Variants in ADGRL2 observed in about 807,000 individuals in gnomAD.
ADGRL2 encodes adhesion G protein-coupled receptor L2, also known as calcium-independent alpha-latrotoxin receptor 2.
A neutral mutation model predicts 157.4 loss-of-function variants in ADGRL2; 44 were observed. That is an observed-to-expected ratio of 0.28 (90% CI 0.22 to 0.36). The LOEUF (loss-of-function observed/expected upper bound fraction) is 0.36. Ranked by LOEUF, ADGRL2 falls within the 10% of genes least tolerant of loss-of-function variation. ADGRL2 has a pLI of 1.00. For missense variants in ADGRL2, 1,510 were observed against 1,768.9 expected, an observed-to-expected ratio of 0.85 and a Z score of 2.63; for synonymous variants, 585 against 624.7, an observed-to-expected ratio of 0.94 and a Z score of 0.95.
intron 3 of ADGRL2, among the ~76,000 whole-genome samples, chr1:81,625,879 C>CT (rs2081899207): frequency 6.6e-6 from 1 of 152,138 alleles, no homozygotes. Context: ...TAATGGTATA[C>CT]TTGGCACAAG....
At chr1:81,439,675 C>T (rs552913546) in intron 1 of ADGRL2, among the ~76,000 whole-genome samples, 71 of 152,344 alleles carry the variant, frequency 4.7e-4, no homozygotes, top group Non-Finnish European at 6.6e-4. Context: ...CCCACAACTC[C>T]GAAGCCCCAG....
At chr1:81,710,302 C>T (rs1263263643) in intron 1 of ADGRL2, among the ~76,000 whole-genome samples, 4 of 151,984 alleles carry the variant, frequency 2.6e-5, no homozygotes, top group Non-Finnish European at 4.4e-5. Context: ...GCTAATAACC[C>T]ATTTCTACTC....
intron 6 of ADGRL2, among the ~76,000 whole-genome samples, chr1:81,946,462 T>C (rs1424146017): frequency 6.6e-6 from 1 of 151,828 alleles, no homozygotes; most frequent in African/African-American, 2.4e-5. Context: ...GGAATGGCCT[T>C]AGGAAAAACA....
rs79410355 is a variant in ADGRL2 at position 81,406,422 on chromosome 1, T to C, written c.-301-38614T>C. Among the ~76,000 whole-genome samples, 400 of 152,262 alleles carry C rather than the reference T, an allele frequency of 2.6e-3. 1 individual carries two copies. The highest frequency in any genetic ancestry group is 9.0e-3 in the African/African-American group (375 of 41,546). On this transcript the variant is annotated intron_variant, in intron 1 of 24. Transcript: ENST00000370721. Reference sequence around the variant, plus strand: ...CAATTTTGCTAAAACATCTGAAATATACTCTTCCTAAATAGTAACATCTGG... The same window carrying C: ...CAATTTTGCTAAAACATCTGAAATACACTCTTCCTAAATAGTAACATCTGG...
At chr1:81,621,631 T>G (rs1368634934) in intron 3 of ADGRL2, among the ~76,000 whole-genome samples, 4 of 152,182 alleles carry the variant, frequency 2.6e-5, no homozygotes, top group African/African-American at 9.6e-5. Flanking sequence ...TCTTTCTTCT[T>G]TAGTTGAGTC....
intron 1 of ADGRL2, among the ~76,000 whole-genome samples, chr1:81,828,237 A>G (rs2091663890): frequency 6.6e-6 from 1 of 151,968 alleles, no homozygotes; most frequent in East Asian, 1.9e-4. Flanking sequence ...CTTAAAGCCT[A>G]AAATATTTTC....
chr1:81,535,368 C>T lies in ADGRL2; in HGVS notation c.-247-45508C>T, dbSNP rs554629437. On this transcript the variant is annotated intron_variant, in intron 2 of 24. Transcript: ENST00000370721. ...AAATGCCTCTACCTTTGGATTGTTG[C>T]GCTGTGGTGATTATGACCCTTATCT... Among the ~76,000 whole-genome samples the T allele has an allele frequency of 9.9e-5, 15 of 151,984 alleles. No individual in the cohort carries two copies. The South Asian group carries it at 2.7e-3, about 27-fold the overall frequency.
intron 1 of ADGRL2, among the ~76,000 whole-genome samples, chr1:81,360,150 T>C (rs933032193): frequency 1.3e-5 from 2 of 152,030 alleles, no homozygotes; most frequent in Non-Finnish European, 2.9e-5. Context: ...TTTCATGGTA[T>C]TGGAAAAGCT....
intron 2 of ADGRL2, among the ~76,000 whole-genome samples, chr1:81,507,945 A>C (rs2079008513): frequency 6.6e-6 from 1 of 152,224 alleles, no homozygotes; most frequent in African/African-American, 2.4e-5. Flanking sequence ...ATAGTGTTAA[A>C]GGTTCTAAAA....
chr1:81,419,855 A>G (rs2077095063), intron 1 of ADGRL2, among the ~76,000 whole-genome samples: 1 of 152,202 alleles, frequency 6.6e-6, no homozygotes, highest in Admixed American at 6.5e-5. Flanking sequence ...TGTTTCTCCC[A>G]GTGAAAACGT....
chr1:81,951,366 C>G (rs1278595788), intron 8 of ADGRL2, among the ~76,000 whole-genome samples: 1 of 152,040 alleles, frequency 6.6e-6, no homozygotes, highest in Non-Finnish European at 1.5e-5. Flanking sequence ...ATATTTAGTT[C>G]TGTTTCTTTT....
chr1:81,866,505 A>G (rs532701274), intron 2 of ADGRL2, among the ~76,000 whole-genome samples: 1 of 152,262 alleles, frequency 6.6e-6, no homozygotes, highest in South Asian at 2.1e-4. Context: ...ACAACTTTTT[A>G]TATATTCTGG....
intron 1 of ADGRL2, among the ~76,000 whole-genome samples, chr1:81,333,534 G>T (rs1267376144): frequency 3.9e-5 from 6 of 152,064 alleles, no homozygotes; most frequent in Non-Finnish European, 7.4e-5. Context: ...TCCTACCTCA[G>T]CCTCCTGAAT....
intron 1 of ADGRL2, among the ~76,000 whole-genome samples, chr1:81,406,323 C>G (rs756532445): frequency 1.3e-5 from 2 of 152,138 alleles, no homozygotes; most frequent in South Asian, 2.1e-4. Context: ...ATCTTAGTTT[C>G]GTTTGATCCT....
At chr1:81,822,524 T>C (rs917755294) in intron 1 of ADGRL2, among the ~76,000 whole-genome samples, 1 of 151,990 alleles carries the variant, frequency 6.6e-6, no homozygotes, top group Admixed American at 6.6e-5. Flanking sequence ...TATTTTTACT[T>C]CTTTTTAATA....
At chr1:81,438,514 T>G (rs763018574) in intron 1 of ADGRL2, among the ~76,000 whole-genome samples, 6 of 152,182 alleles carry the variant, frequency 3.9e-5, no homozygotes, top group Admixed American at 1.3e-4. Context: ...GAGTCTGCAT[T>G]CTGTGACTTC....
chr1:81,667,740 T>A (rs1298574038), intron 3 of ADGRL2, among the ~76,000 whole-genome samples: 1 of 151,928 alleles, frequency 6.6e-6, no homozygotes, highest in East Asian at 1.9e-4. Flanking sequence ...TATCTAAGTA[T>A]TTTTTTTAAA....
intron 2 of ADGRL2, among the ~76,000 whole-genome samples, chr1:81,466,671 A>ACG (rs1553167499): frequency 6.7e-4 from 21 of 31,312 alleles, no homozygotes; most frequent in Middle Eastern, 0.016. Flanking sequence ...TCTCTCTCTC[A>ACG]CGCGCGCGCA....
chr1:81,961,616 A>G (rs1425504891), intron 11 of ADGRL2, among the ~76,000 whole-genome samples: 2 of 148,066 alleles, frequency 1.4e-5, no homozygotes, highest in African/African-American at 5.0e-5. Flanking sequence ...CAAGAGATTC[A>G]CCTGCCTCAG....
Sources: allele counts gnomAD v4.1 joint callset (sites outside exome capture counted in the v4.1 genomes callset), GRCh38; gene constraint gnomAD v4.1.1; transcripts MANE v1.5; gene names NCBI Gene and HGNC (gene_info 2026-07-23, HGNC 2026-07-21).